The following ZFAT variants were observed in gnomAD, a reference collection of about 807,000 sequenced individuals.
ZFAT encodes zinc finger protein ZFAT.
A neutral mutation model predicts 117.7 loss-of-function variants in ZFAT; 64 were observed. The observed-to-expected ratio is 0.54, with a 90% CI of 0.44 to 0.67. The LOEUF is 0.67. Among genes scored for constraint, ZFAT ranks in the 30% least tolerant of loss-of-function variants. ZFAT has a pLI of 0.00. For synonymous variants in ZFAT, 679 were observed against 615.0 expected, an observed-to-expected ratio of 1.10 and a Z score of -1.54; for missense variants, 1,433 against 1,584.5, an observed-to-expected ratio of 0.90 and a Z score of 1.62.
chr8:134,618,096 C>G (rs1048572194), intron 3 of ZFAT, among the ~76,000 whole-genome samples: 2 of 152,168 alleles, frequency 1.3e-5, no homozygotes, highest in African/African-American at 2.4e-5. Flanking sequence ...GAGGCCTCCC[C>G]AGCCAAGTGG....
intron 3 of ZFAT, among the ~76,000 whole-genome samples, chr8:134,628,470 G>A (rs945209302): frequency 4.6e-5 from 7 of 152,118 alleles, no homozygotes; most frequent in Admixed American, 3.3e-4. Context: ...AAAGGGGTGC[G>A]TTCAGAGTAA....
At chr8:134,765,843 G>A in the ZFAT span, 1 of 152,146 alleles carries the variant, frequency 6.6e-6, no homozygotes, top group Non-Finnish European at 1.5e-5. Flanking sequence ...CTGAACCACA[G>A]GTGCTGTTGC....
chr8:134,821,243 G>C, the ZFAT span, among the ~76,000 whole-genome samples: 7,315 of 152,156 alleles, frequency 0.048, 259 homozygotes, highest in Non-Finnish European at 0.068. Flanking sequence ...AGTAAAGAGT[G>C]ACAAAGATTA....
chr8:134,602,720 G>C lies in ZFAT; in HGVS notation c.999C>G (p.Phe333Leu). ...TGAGGTGGCCCTTGCTCAGGCAGGT[G>C]AACGAGCAATAGTCGCAGGCGAACT... ...GEKFACDYCS[F>L]TCLSKGHLKV... The change falls in exon 6 of 16, where the codon TTC (phenylalanine) becomes TTG (leucine). Residue 333 changes from phenylalanine (F) to leucine (L), a missense_variant. Phe to Leu is a conservative substitution (Grantham distance 22). This residue lies in a region of ZFAT where 436 missense variants were observed against 482.0 expected (regional missense o/e 0.90). Coordinates refer to ENST00000377838, the MANE Select transcript of ZFAT (RefSeq NM_020863.4). The C allele has an allele frequency of 6.2e-7, 1 of 1,614,014 alleles. No individual in the cohort carries two copies.
At chr8:134,608,900 A>G (rs1322293863) in intron 4 of ZFAT, 21 bp from the exon 5 acceptor site, 1 of 1,593,516 alleles carries the variant, frequency 6.3e-7, no homozygotes, top group Admixed American at 1.8e-5. Context: ...TGCAAAAGGC[A>G]TTGCTTATTG....
chr8:134,532,827 C>T lies in ZFAT; in HGVS notation c.3115+7G>A, dbSNP rs374540195. The T allele has an allele frequency of 1.4e-5, 23 of 1,609,358 alleles. No individual in the cohort carries two copies. Among genetic ancestry groups the T allele is most frequent in the Middle Eastern group, 3.3e-4 (2 of 6,042 alleles). On this transcript the variant is annotated splice_region_variant and intron_variant, in intron 12 of 15. Transcript: ENST00000377838. Reference sequence around the variant, plus strand: ...GCAGGGCCCCAGCTCGCTGGCCCCTCGCCTACCTTGCTGGATGAGCACCTC... The same window carrying T: ...GCAGGGCCCCAGCTCGCTGGCCCCTTGCCTACCTTGCTGGATGAGCACCTC...
chr8:134,511,783 T>C (rs1819864651), intron 14 of ZFAT, among the ~76,000 whole-genome samples: 1 of 152,154 alleles, frequency 6.6e-6, no homozygotes, highest in Non-Finnish European at 1.5e-5. Flanking sequence ...GTACAGTGGC[T>C]TGTTTTTTTT....
the ZFAT span, chr8:134,783,704 A>C: frequency 6.6e-6 from 1 of 152,202 alleles, no homozygotes; most frequent in African/African-American, 2.4e-5. Flanking sequence ...TTACGTTGAC[A>C]ATTAGTTTAT....
chr8:134,544,498 A>G (rs1822545480), intron 11 of ZFAT, among the ~76,000 whole-genome samples: 1 of 152,144 alleles, frequency 6.6e-6, no homozygotes, highest in South Asian at 2.1e-4. Flanking sequence ...TCATAAAGAA[A>G]GTGAAGAAAA....
At chr8:134,503,126 G>A (rs1233492584) in intron 15 of ZFAT, among the ~76,000 whole-genome samples, 1 of 152,238 alleles carries the variant, frequency 6.6e-6, no homozygotes, top group Non-Finnish European at 1.5e-5. Flanking sequence ...CTACTCCCAT[G>A]GGGGCAGTGG....
intron 2 of ZFAT, among the ~76,000 whole-genome samples, chr8:134,647,780 A>G (rs1218377571): frequency 1.3e-5 from 2 of 152,190 alleles, no homozygotes; most frequent in African/African-American, 4.8e-5. Flanking sequence ...AAAAATACTT[A>G]GGCATAAATA....
chr8:134,503,080 C>T (rs987917393), intron 15 of ZFAT, among the ~76,000 whole-genome samples: 2 of 152,216 alleles, frequency 1.3e-5, no homozygotes, highest in African/African-American at 2.4e-5. Flanking sequence ...AGGCCTGCCA[C>T]GTAGAGTGCT....
chr8:134,770,828 G>C, the ZFAT span, among the ~76,000 whole-genome samples: 1 of 152,180 alleles, frequency 6.6e-6, no homozygotes, highest in Non-Finnish European at 1.5e-5. Flanking sequence ...GGGCGTAGCT[G>C]TCTCTTATGG....
At chr8:134,717,775 C>T (rs11993120), upstream of ZFAT, among the ~76,000 whole-genome samples, 151,970 of 152,008 alleles carry the variant, frequency 1, 75,966 homozygotes, top group Non-Finnish European at 1. Context: ...CTCAACCCAC[C>T]GCAACCTCCG....
At chr8:134,606,116 G>A (rs191757521) in intron 5 of ZFAT, among the ~76,000 whole-genome samples, 1 of 152,316 alleles carries the variant, frequency 6.6e-6, no homozygotes, top group African/African-American at 2.4e-5. Flanking sequence ...AGAGACTAAG[G>A]AAGTGAAAAG....
intron 11 of ZFAT, chr8:134,564,949 G>C (rs995433981): frequency 4.1e-6 from 5 of 1,214,754 alleles, no homozygotes; most frequent in Non-Finnish European, 5.2e-6. Context: ...CTGCTTGCCG[G>C]GTGGGCTTCA....
intron 15 of ZFAT, among the ~76,000 whole-genome samples, chr8:134,500,022 G>A (rs1255061378): frequency 6.6e-6 from 1 of 152,250 alleles, no homozygotes; most frequent in Middle Eastern, 3.2e-3. Flanking sequence ...GGGCCAGCCT[G>A]AGGCAGGACA....
At chr8:134,686,797 T>A (rs1289074386) in intron 1 of ZFAT, among the ~76,000 whole-genome samples, 1 of 152,154 alleles carries the variant, frequency 6.6e-6, no homozygotes, top group Non-Finnish European at 1.5e-5. Context: ...ACCCACCTTG[T>A]CAGAAGCCCA....
chr8:134,560,731 T>C (rs1409326414), intron 11 of ZFAT, among the ~76,000 whole-genome samples: 1 of 151,406 alleles, frequency 6.6e-6, no homozygotes, highest in Non-Finnish European at 1.5e-5. Flanking sequence ...AAGCAAAGAG[T>C]TGAATAGCTA....
Sources: gnomAD v4.1 joint callset for allele counts (sites outside exome capture counted in the v4.1 genomes callset) on GRCh38, gnomAD v4.1.1 for gene constraint, gnomAD v4.1.1 regional missense constraint, MANE v1.5 for transcripts, NCBI Gene and HGNC (gene_info 2026-07-23, HGNC 2026-07-21) for gene names.